The following AHNAK variants were observed in gnomAD, a reference collection of about 807,000 sequenced individuals.
The protein encoded by AHNAK is AHNAK nucleoprotein.
A neutral mutation model predicts 37.8 loss-of-function variants in AHNAK; 23 were observed. That is an observed-to-expected ratio of 0.61 (90% CI 0.44 to 0.86). AHNAK has a LOEUF of 0.86. Among genes scored for constraint, AHNAK ranks in the 40% least tolerant of loss-of-function variants. AHNAK has a pLI of 0.00. For missense variants in AHNAK, 7,411 were observed against 7,319.4 expected, an observed-to-expected ratio of 1.01 and a Z score of -0.46; for synonymous variants, 2,481 against 2,636.3, an observed-to-expected ratio of 0.94 and a Z score of 1.80.
intron 4 of AHNAK, among the ~76,000 whole-genome samples, chr11:62,494,823 C>A (rs1156521329): frequency 6.6e-6 from 1 of 152,012 alleles, no homozygotes; most frequent in South Asian, 2.1e-4. Context: ...CCAGCCTGAC[C>A]AACATGGTCT....
chr11:62,482,593 A>C (rs1315256096), intron 5 of AHNAK, among the ~76,000 whole-genome samples: 3 of 152,278 alleles, frequency 2.0e-5, no homozygotes, highest in East Asian at 1.9e-4. Flanking sequence ...TACCGTGAGG[A>C]TGAAATAAAT....
At chr11:62,464,599 C>T (rs1304844169) in intron 5 of AHNAK, among the ~76,000 whole-genome samples, 19 of 151,352 alleles carry the variant, frequency 1.3e-4, no homozygotes, top group African/African-American at 3.2e-4. Context: ...ACCCAGGAGG[C>T]GGAGGTTGCA....
chr11:62,505,522 G>A (rs1939794666), intron 4 of AHNAK, among the ~76,000 whole-genome samples: 1 of 152,116 alleles, frequency 6.6e-6, no homozygotes, highest in Non-Finnish European at 1.5e-5. Flanking sequence ...TCGATTGTAG[G>A]TTTGTTTGGA....
chr11:62,433,878 C>G, exon 6 of AHNAK: 1 of 1,613,852 alleles, frequency 6.2e-7, no homozygotes, highest in Non-Finnish European at 8.5e-7. Context: ...TTCTTCCTGG[C>G]CGCTTCTACA....
At chr11:62,480,827 A>AG (rs139354282) in intron 5 of AHNAK, among the ~76,000 whole-genome samples, 84,793 of 120,628 alleles carry the variant, frequency 0.7, 32,683 homozygotes, top group South Asian at 0.87. Context: ...AAAAAAAAAA[A>AG]CCTGGATTTG....
chr11:62,436,831 C>T (rs899576419), intron 5 of AHNAK, among the ~76,000 whole-genome samples: 2 of 151,582 alleles, frequency 1.3e-5, no homozygotes, highest in African/African-American at 2.4e-5. Flanking sequence ...CCCAGCTACT[C>T]GGGAAACTGA....
At chr11:62,497,579 C>T (rs757849859) in intron 4 of AHNAK, among the ~76,000 whole-genome samples, 8 of 152,188 alleles carry the variant, frequency 5.3e-5, no homozygotes, top group Admixed American at 1.3e-4. Flanking sequence ...AGCATCATTA[C>T]GACATATCTG....
chr11:62,441,283 T>A (rs977599329), intron 5 of AHNAK, among the ~76,000 whole-genome samples: 1 of 151,586 alleles, frequency 6.6e-6, no homozygotes, highest in African/African-American at 2.4e-5. Flanking sequence ...ATTACAGGTG[T>A]GAGCCACCAC....
intron 5 of AHNAK, among the ~76,000 whole-genome samples, chr11:62,481,089 GTT>G (rs11355402): frequency 2.5e-4 from 10 of 40,356 alleles, no homozygotes; most frequent in African/African-American, 3.0e-4. Flanking sequence ...TCTTTTTTTG[GTT>G]TTTTTTTTTT....
Position 62,521,822 on chromosome 11 carries a change from G to T in AHNAK, c.12595C>A (p.Pro4199Thr), listed in dbSNP as rs1290785075. Reference sequence around the variant, plus strand: ...TCTGGGCCCTCTCCTTTGAAGCCAGGCATGCTGAACTTGGGCATTTTCACT... The same window carrying T: ...TCTGGGCCCTCTCCTTTGAAGCCAGTCATGCTGAACTTGGGCATTTTCACT... The part of the protein sequence containing the change: ...PKVKMPKFSM[P>T]GFKGEGPDVD... Residue 4199 changes from proline to threonine, a missense_variant, in exon 5 of 5, where the codon CCT (proline) becomes ACT (threonine). Transcript: ENST00000378024. 1.2e-6 allele frequency: 2 copies of T among 1,613,278 alleles called. No individual in the cohort carries two copies. Among genetic ancestry groups the T allele is most frequent in the African/African-American group, 1.3e-5 (1 of 74,600 alleles).
chr11:62,490,197 C>CTTTTTTTTTTTTTTTTTTTT (rs944550481), intron 5 of AHNAK, among the ~76,000 whole-genome samples: 1 of 115,932 alleles, frequency 8.6e-6, no homozygotes, highest in Non-Finnish European at 1.8e-5. Flanking sequence ...TTTTCTTTTT[C>CTTTTTTTTTTTTTTTTTTTT]TTTTTTTTTT....
intron 5 of AHNAK, among the ~76,000 whole-genome samples, chr11:62,456,749 A>C (rs959884549): frequency 6.6e-6 from 1 of 152,204 alleles, no homozygotes; most frequent in African/African-American, 2.4e-5. Context: ...GATCTGGATC[A>C]GAGACTAGGA....
chr11:62,461,238 C>G (rs888789849), intron 5 of AHNAK, among the ~76,000 whole-genome samples: 2 of 149,752 alleles, frequency 1.3e-5, no homozygotes, highest in African/African-American at 4.9e-5. Context: ...CTCCACCTCC[C>G]AGGTTCAAGT....
intron 5 of AHNAK, among the ~76,000 whole-genome samples, chr11:62,469,459 T>TTTTG (rs377594620): frequency 1.9e-4 from 29 of 150,914 alleles, no homozygotes; most frequent in African/African-American, 4.9e-4. Context: ...ATGTTGTAAT[T>TTTTG]TTTGTTTGTT....
Position 62,523,418 on chromosome 11 carries a change from T to C in AHNAK, c.10999A>G (p.Lys3667Glu), listed in dbSNP as rs1232456954. Residue 3667 changes from lysine to glutamate, a missense_variant, in exon 5 of 5, where the codon AAA becomes GAA. Physicochemically the swap from Lys to Glu is moderately conservative, Grantham distance 56 (BLOSUM62 1). Transcript: ENST00000378024. ...PKFKMPEMNI[K>E]APKISMPDFD... ...TCAGGCATGGAGATCTTGGGGGCTTTGATGTTCATCTCAGGCATCTTGAAC... is the reference window on the plus strand; with the variant it reads ...TCAGGCATGGAGATCTTGGGGGCTTCGATGTTCATCTCAGGCATCTTGAAC... The C allele has an allele frequency of 1.2e-6, 2 of 1,612,946 alleles. No homozygotes were observed. The highest frequency in any genetic ancestry group is 1.1e-5 in the South Asian group (1 of 90,894).
At position 62,516,309 on chromosome 11, in the gene AHNAK, C is replaced by T. The variant is rs1236787817; in HGVS notation, c.*435G>A. On this transcript the variant is annotated 3_prime_UTR_variant, in exon 5 of 5. Coordinates refer to ENST00000378024, the MANE Select transcript of AHNAK (RefSeq NM_001620.3). Reference sequence around the variant, plus strand: ...AGTCTCAGGAAAGAGGAAGACCTGACCTCCGTCTGCAACCCATCACCCCAC... The same window carrying T: ...AGTCTCAGGAAAGAGGAAGACCTGATCTCCGTCTGCAACCCATCACCCCAC... The T allele has an allele frequency of 4.2e-5, 54 of 1,289,322 alleles. No individual in the cohort carries two copies. The highest frequency in any genetic ancestry group is 5.0e-5 in the Non-Finnish European group (49 of 988,924). 79.9% of individuals were successfully genotyped at this position (1,289,322 alleles called of 1,614,324 possible).
intron 4 of AHNAK, among the ~76,000 whole-genome samples, chr11:62,507,451 C>T (rs1939830964): frequency 1.3e-5 from 2 of 152,122 alleles, no homozygotes; most frequent in Admixed American, 6.6e-5. Flanking sequence ...AATCATCCTC[C>T]CAACAAAGCT....
intron 4 of AHNAK, among the ~76,000 whole-genome samples, chr11:62,509,606 T>C (rs953542880): frequency 1.3e-5 from 2 of 150,880 alleles, no homozygotes; most frequent in Admixed American, 6.6e-5. Flanking sequence ...TGTGAGGTCA[T>C]CAACAATTGA....
rs141665457 is a variant in AHNAK at position 62,532,850 on chromosome 11, G to C, written c.1567C>G (p.Pro523Ala). Residue 523 changes from proline to alanine, a missense_variant, in exon 5 of 5, where the codon CCT (proline) becomes GCT (alanine). By Grantham distance (27) the Pro-to-Ala change is conservative. Coordinates refer to ENST00000378024, the MANE Select transcript of AHNAK (RefSeq NM_001620.3). ...KLKGDIKVSA[P>A]GVQGDVKGPQ... ...CCTTTAACATCACCTTGCACCCCAG[G>C]AGCAGAAACCTTAATATCTCCTTTC... 10 of 1,613,924 alleles carry C rather than the reference G, an allele frequency of 6.2e-6. No individual in the cohort carries two copies. Among genetic ancestry groups the C allele is most frequent in the Non-Finnish European group, 8.5e-6 (10 of 1,179,984 alleles).
Sources: gnomAD v4.1 joint callset for allele counts (sites outside exome capture counted in the v4.1 genomes callset) on GRCh38, gnomAD v4.1.1 for gene constraint, MANE v1.5 for transcripts, NCBI Gene and HGNC (gene_info 2026-07-23, HGNC 2026-07-21) for gene names.